The following ADARB2 variants were observed in gnomAD, a reference collection of about 807,000 sequenced individuals.
The protein encoded by ADARB2 is inactive double-stranded RNA-specific editase B2.
Under a neutral mutation model 62.2 loss-of-function variants are expected in ADARB2, and 25 were observed. The observed-to-expected ratio is 0.40, with a 90% CI of 0.29 to 0.56. The LOEUF (loss-of-function observed/expected upper bound fraction) is 0.56. ADARB2 is among the 20% of genes least tolerant of loss of function. The pLI, the probability that ADARB2 is intolerant of heterozygous loss-of-function variation, is 0.43. For synonymous variants in ADARB2, 572 were observed against 500.8 expected, an observed-to-expected ratio of 1.14 and a Z score of -1.90; for missense variants, 1,071 against 1,077.4, an observed-to-expected ratio of 0.99 and a Z score of 0.08.
intron 1 of ADARB2, chr10:1,526,596 C>G: frequency 4.1e-6 from 1 of 244,324 alleles, no homozygotes; most frequent in Non-Finnish European, 8.7e-6. Context: ...CTGCACAGGC[C>G]GCTCCCCTCC....
At chr10:1,565,056 C>T (rs984210582) in intron 1 of ADARB2, among the ~76,000 whole-genome samples, 11 of 152,186 alleles carry the variant, frequency 7.2e-5, no homozygotes, top group African/African-American at 2.2e-4. Context: ...CAGGGCTCTC[C>T]GCTCTCCTCG....
At chr10:1,280,151 G>A (rs1174649595) in intron 3 of ADARB2, among the ~76,000 whole-genome samples, 1 of 152,158 alleles carries the variant, frequency 6.6e-6, no homozygotes, top group Admixed American at 6.5e-5. Context: ...ATCAGATCAG[G>A]ACCCCACTCT....
intron 1 of ADARB2, among the ~76,000 whole-genome samples, chr10:1,586,343 G>A (rs994515608): frequency 2.6e-5 from 4 of 152,188 alleles, no homozygotes; most frequent in Non-Finnish European, 5.9e-5. Flanking sequence ...TTGGCTGAAG[G>A]ACCCCGAGTG....
chr10:1,588,764 G>C (rs2676773), intron 1 of ADARB2, among the ~76,000 whole-genome samples: 19,234 of 152,236 alleles, frequency 0.13, 1,383 homozygotes, highest in East Asian at 0.17. Context: ...GGAGGCAATG[G>C]GGTGTGGGAT....
chr10:1,218,489 C>G (rs1248627258), intron 6 of ADARB2, among the ~76,000 whole-genome samples: 2 of 152,318 alleles, frequency 1.3e-5, no homozygotes, highest in East Asian at 3.9e-4. Context: ...TAAATGCTTT[C>G]TTTAGAAAGT....
chr10:1,217,167 G>A, intron 6 of ADARB2, 48 bp from the exon 7 acceptor site: 1 of 1,486,284 alleles, frequency 6.7e-7, no homozygotes. Context: ...AAGCCGCCTT[G>A]GTTTTGGGAG....
intron 1 of ADARB2, among the ~76,000 whole-genome samples, chr10:1,729,579 ATTATT>A (rs1475140718): frequency 6.6e-6 from 1 of 152,224 alleles, no homozygotes; most frequent in African/African-American, 2.4e-5. Context: ...AAATATTGCA[ATTATT>A]TTAAAGAGAG....
chr10:1,706,124 G>A (rs1272303324), intron 1 of ADARB2, among the ~76,000 whole-genome samples: 3 of 152,176 alleles, frequency 2.0e-5, no homozygotes, highest in African/African-American at 7.2e-5. Flanking sequence ...TTATCAGAGA[G>A]CAGAGAATGT....
intron 1 of ADARB2, among the ~76,000 whole-genome samples, chr10:1,620,389 G>A (rs1833691439): frequency 1.3e-5 from 2 of 152,218 alleles, no homozygotes; most frequent in South Asian, 4.1e-4. Flanking sequence ...TAGATGAGAT[G>A]GGGGAAATTA....
At chr10:1,486,196 ATGTGTGTGGACGCC>A (rs1831540967) in intron 1 of ADARB2, among the ~76,000 whole-genome samples, 3 of 140,566 alleles carry the variant, frequency 2.1e-5, no homozygotes, top group South Asian at 2.3e-4. Context: ...GTGCATGTGT[ATGTGTGTGGACGCC>A]TGTGTGTGTG....
chr10:1,538,182 C>T (rs574580686), intron 1 of ADARB2, among the ~76,000 whole-genome samples: 4 of 152,238 alleles, frequency 2.6e-5, no homozygotes, highest in South Asian at 2.1e-4. Flanking sequence ...GGGCCAATGC[C>T]GTGTTCTTGC....
At chr10:1,672,942 C>T (rs1044038279) in intron 1 of ADARB2, among the ~76,000 whole-genome samples, 2 of 152,196 alleles carry the variant, frequency 1.3e-5, no homozygotes, top group African/African-American at 4.8e-5. Flanking sequence ...TTTTAACCTA[C>T]GGGTTTCATC....
chr10:1,681,708 A>G (rs1014283972), intron 1 of ADARB2, among the ~76,000 whole-genome samples: 1 of 152,202 alleles, frequency 6.6e-6, no homozygotes, highest in African/African-American at 2.4e-5. Flanking sequence ...GGCTGCACAC[A>G]GGGCTACTGC....
rs562922441 is a variant in ADARB2, at chr10:1,185,098, C to G, written c.1865-59G>C. ...ATTCCTGGCCTCACACGGGGCTCCC[C>G]CAAGGGCAGCTGCGGGGAAATGGAG... On this transcript the variant is annotated intron_variant, in intron 8 of 9. Transcript: ENST00000381312. 1,229 of 1,555,810 alleles carry G rather than the reference C, an allele frequency of 7.9e-4. 2 individuals are homozygous for G. The highest frequency in any genetic ancestry group is 9.7e-4 in the Non-Finnish European group (1,117 of 1,150,010).
At chr10:1,724,434 T>C (rs1335130940) in intron 1 of ADARB2, among the ~76,000 whole-genome samples, 1 of 152,208 alleles carries the variant, frequency 6.6e-6, no homozygotes, top group Non-Finnish European at 1.5e-5. Context: ...TGGTTTATCT[T>C]CGTTCCCAAG....
chr10:1,683,964 G>A (rs958482222), intron 1 of ADARB2, among the ~76,000 whole-genome samples: 14 of 152,206 alleles, frequency 9.2e-5, no homozygotes, highest in African/African-American at 3.1e-4. Context: ...TCCGGTGTGC[G>A]TGAAAGACCA....
chr10:1,449,760 C>A (rs1220151644), intron 1 of ADARB2, among the ~76,000 whole-genome samples: 3 of 152,202 alleles, frequency 2.0e-5, no homozygotes, highest in Non-Finnish European at 4.4e-5. Flanking sequence ...GAAATATAGG[C>A]CGTATCTCCA....
chr10:1,683,314 T>C (rs1834561626), intron 1 of ADARB2, among the ~76,000 whole-genome samples: 1 of 152,228 alleles, frequency 6.6e-6, no homozygotes. Context: ...CCAACTGACC[T>C]GATTGAGCAC....
intron 1 of ADARB2, among the ~76,000 whole-genome samples, chr10:1,381,326 T>C (rs1832481155): frequency 6.6e-6 from 1 of 152,254 alleles, no homozygotes; most frequent in Admixed American, 6.5e-5. Flanking sequence ...ACATCACTAA[T>C]CATTAGGGAA....
Sources: allele counts gnomAD v4.1 joint callset (sites outside exome capture counted in the v4.1 genomes callset), GRCh38; gene constraint gnomAD v4.1.1; transcripts MANE v1.5; gene names NCBI Gene and HGNC (gene_info 2026-07-23, HGNC 2026-07-21).